PCDHA1: variants seen among roughly 807,000 people sequenced by gnomAD.
PCDHA1 encodes protocadherin alpha 1.
In PCDHA1, 42 loss-of-function variants were observed where a neutral mutation model predicts 61.3. The observed-to-expected ratio is 0.69, with a 90% CI of 0.54 to 0.89. PCDHA1 has a LOEUF of 0.89. Among genes scored for constraint, PCDHA1 ranks in the 40% least tolerant of loss-of-function variants. The probability of loss-of-function intolerance (pLI) is 0.00; values close to 1 mark genes in which losing one functional copy is unlikely to be tolerated. For synonymous variants in PCDHA1, 610 were observed against 553.8 expected (o/e 1.10, Z -1.43); for missense variants, 1,256 against 1,235.3 (o/e 1.02, Z -0.25).
chr5:140,835,384 G>A, intron 1 of PCDHA1: 1 of 1,613,998 alleles, frequency 6.2e-7, no homozygotes, highest in Non-Finnish European at 8.5e-7. Flanking sequence ...GCTGGTCATT[G>A]TACAGTTCTT....
At chr5:141,001,216 G>T (rs938133871) in intron 3 of PCDHA1, among the ~76,000 whole-genome samples, 1 of 152,082 alleles carries the variant, frequency 6.6e-6, no homozygotes, top group Non-Finnish European at 1.5e-5. Context: ...GCTGTATAAG[G>T]ATAGTTACAT....
chr5:140,967,925 C>T, intron 1 of PCDHA1: 1 of 1,614,224 alleles, frequency 6.2e-7, no homozygotes, highest in South Asian at 1.1e-5. Context: ...TGTGGCCGTT[C>T]TCAGTGTCAA....
intron 1 of PCDHA1, among the ~76,000 whole-genome samples, chr5:140,792,399 C>T (rs1761709881): frequency 1.3e-5 from 2 of 152,154 alleles, no homozygotes; most frequent in Non-Finnish European, 2.9e-5. Flanking sequence ...ATTTAAACCT[C>T]AGAAAAGTGA....
chr5:140,952,371 C>T (rs186648472), intron 1 of PCDHA1, among the ~76,000 whole-genome samples: 1 of 151,860 alleles, frequency 6.6e-6, no homozygotes, highest in African/African-American at 2.4e-5. Flanking sequence ...AAGAAATTTC[C>T]TCTGCCAGGT....
intron 2 of PCDHA1, among the ~76,000 whole-genome samples, chr5:140,979,611 C>T (rs549836811): frequency 5.9e-5 from 9 of 152,266 alleles, no homozygotes; most frequent in South Asian, 2.1e-4. Flanking sequence ...CCTAGAGTAA[C>T]GGTATTAGTC....
At chr5:140,967,626 G>T in intron 1 of PCDHA1, 2 of 1,614,138 alleles carry the variant, frequency 1.2e-6, no homozygotes, top group Non-Finnish European at 1.7e-6. Flanking sequence ...CCGGATGAGG[G>T]CTCCAATGGT....
At chr5:140,820,528 T>C (rs1766776275) in intron 1 of PCDHA1, among the ~76,000 whole-genome samples, 1 of 152,078 alleles carries the variant, frequency 6.6e-6, no homozygotes, top group South Asian at 2.1e-4. Flanking sequence ...GAATGTTAGC[T>C]ATTTCTTCAA....
At chr5:140,824,144 T>C (rs2150132609) in intron 1 of PCDHA1, 6 of 1,611,910 alleles carry the variant, frequency 3.7e-6, no homozygotes, top group Non-Finnish European at 4.2e-6. Context: ...TTTCTAATAT[T>C]AACATCCATC....
Position 140,851,165 on chromosome 5 carries a change from G to A in PCDHA1, c.2394+62481G>A. Reference sequence around the variant, plus strand: ...GACATTGAATTTCTGATGCTATGCTGCCATAACACTTGAAAACCAATTTAG... The same window carrying A: ...GACATTGAATTTCTGATGCTATGCTACCATAACACTTGAAAACCAATTTAG... On this transcript the variant is annotated intron_variant, in intron 1 of 3. Transcript: ENST00000504120. 5 of 1,284,508 alleles carry A rather than the reference G, an allele frequency of 3.9e-6. 1 individual carries two copies. Among genetic ancestry groups the A allele is most frequent in the Non-Finnish European group, 5.0e-6 (5 of 997,876 alleles). 79.6% of individuals were successfully genotyped at this position (1,284,508 alleles called of 1,614,324 possible).
intron 1 of PCDHA1, chr5:140,829,559 G>C (rs2150170055): frequency 6.2e-7 from 1 of 1,612,768 alleles, no homozygotes; most frequent in Non-Finnish European, 8.5e-7. Flanking sequence ...GAACGCGCTG[G>C]TGTCCTACTC....
In PCDHA1 at chr5:140,794,820, C is replaced by T. The variant is rs1554119169; in HGVS notation, c.2394+6136C>T. The T allele has an allele frequency of 4.5e-6, 4 of 885,938 alleles. No individual in the cohort carries two copies. The African/African-American group carries it at 6.8e-5, about 15-fold the overall frequency. 54.9% of individuals were successfully genotyped at this position (885,938 alleles called of 1,614,324 possible). A position where few individuals can be genotyped will look rare whatever the true frequency, so the allele number is the denominator to read the frequency against. ...GTCGCTGTCCACCATAGAGTGTTCT[C>T]TAGGAAGGAAAATACCCAGAGCCCC... On this transcript the variant is annotated intron_variant, in intron 1 of 3. Coordinates refer to ENST00000504120, the MANE Select transcript of PCDHA1 (RefSeq NM_018900.4).
intron 1 of PCDHA1, among the ~76,000 whole-genome samples, chr5:140,970,841 C>T (rs782138970): frequency 2.0e-5 from 3 of 150,352 alleles, no homozygotes; most frequent in African/African-American, 7.5e-5. Context: ...ATGTAATGCA[C>T]AGGCACAAAA....
Position 140,862,133 on chromosome 5 carries a change from T to C in PCDHA1, c.2394+73449T>C, listed in dbSNP as rs188346525. ...GTGGATAAATAAATGTAAAGATAGGTTTTGAGGAAACTAAATAATGAAAGA... is the reference window on the plus strand; with the variant it reads ...GTGGATAAATAAATGTAAAGATAGGCTTTGAGGAAACTAAATAATGAAAGA... On this transcript the variant is annotated intron_variant, in intron 1 of 3. Transcript: ENST00000504120. The C allele has an allele frequency of 2.2e-3, 352 of 163,204 alleles. 2 individuals carry two copies. Among genetic ancestry groups the C allele is most frequent in the South Asian group, 2.0e-3 (12 of 5,916 alleles). The allele number at this position is 163,204 out of a possible 1,614,324, so 10.1% of individuals were successfully genotyped here.
At chr5:140,836,821 T>C in intron 1 of PCDHA1, 1 of 1,070,782 alleles carries the variant, frequency 9.3e-7, no homozygotes, top group Non-Finnish European at 1.3e-6. Flanking sequence ...CATAATTTCT[T>C]TTTTAGTTGA....
At chr5:140,838,209 G>C (rs1580889763) in intron 1 of PCDHA1, among the ~76,000 whole-genome samples, 1 of 149,446 alleles carries the variant, frequency 6.7e-6, no homozygotes, top group Admixed American at 6.7e-5. Flanking sequence ...CGCCTCTCTG[G>C]TACAAGCAGT....
chr5:141,010,470 G>A lies in PCDHA1; in HGVS notation c.*533G>A. ...ACAGCGGAAGTTATCAGTATGGAGG[G>A]GAAGTGTAAACTTAAAGGGACCAGA... On this transcript the variant is annotated 3_prime_UTR_variant, in exon 4 of 4. Transcript: ENST00000504120. The A allele has an allele frequency of 2.6e-6, 2 of 780,290 alleles. No homozygotes were observed. The highest frequency in any genetic ancestry group is 3.0e-5 in the East Asian group (1 of 33,872). 48.3% of individuals were successfully genotyped at this position (780,290 alleles called of 1,614,324 possible).
intron 1 of PCDHA1, chr5:140,883,300 T>C (rs782541976): frequency 6.2e-7 from 1 of 1,613,974 alleles, no homozygotes; most frequent in African/African-American, 1.3e-5. Flanking sequence ...TAGATGTAAA[T>C]GATAACGCCC....
chr5:140,993,530 AG>A (rs2097570679), intron 3 of PCDHA1, among the ~76,000 whole-genome samples: 7 of 152,044 alleles, frequency 4.6e-5, no homozygotes, highest in African/African-American at 1.7e-4. Context: ...AGACAGAGAG[AG>A]AGAGAGATAG....
intron 3 of PCDHA1, among the ~76,000 whole-genome samples, chr5:141,006,484 A>T (rs1028996250): frequency 9.9e-5 from 15 of 152,130 alleles, no homozygotes; most frequent in Non-Finnish European, 7.4e-5. Flanking sequence ...AAGTGCTGGG[A>T]TTACATGTGT....
Sources: gnomAD v4.1 joint callset for allele counts (sites outside exome capture counted in the v4.1 genomes callset) on GRCh38, gnomAD v4.1.1 for gene constraint, MANE v1.5 for transcripts, NCBI Gene and HGNC (gene_info 2026-07-23, HGNC 2026-07-21) for gene names.